The following CACNA2D3 variants were observed in gnomAD, a reference collection of about 807,000 sequenced individuals.
The protein encoded by CACNA2D3 is voltage-dependent calcium channel subunit alpha-2/delta-3.
CACNA2D3 carries 60 observed loss-of-function variants against 160.6 expected under a neutral mutation model. The observed-to-expected ratio is 0.37, with a 90% CI of 0.30 to 0.46. The LOEUF (loss-of-function observed/expected upper bound fraction) is 0.46, where lower values mean the gene tolerates loss of function less well. Among genes scored for constraint, CACNA2D3 ranks in the 20% least tolerant of loss-of-function variants. The pLI is 1.00. For synonymous variants in CACNA2D3, 558 were observed against 492.9 expected, an observed-to-expected ratio of 1.13 and a Z score of -1.75; for missense variants, 1,205 against 1,365.0, an observed-to-expected ratio of 0.88 and a Z score of 1.85.
intron 35 of CACNA2D3, among the ~76,000 whole-genome samples, chr3:55,056,190 G>C (rs1284104940): frequency 1.3e-5 from 2 of 152,104 alleles, no homozygotes; most frequent in Admixed American, 6.5e-5. Flanking sequence ...ATGGCCAATA[G>C]ATCTATGAAA....
At chr3:54,200,869 T>G (rs902106562) in intron 2 of CACNA2D3, among the ~76,000 whole-genome samples, 6 of 152,242 alleles carry the variant, frequency 3.9e-5, no homozygotes, top group African/African-American at 9.6e-5. Context: ...TAGGAACTTT[T>G]TTGTTGTTGT....
chr3:54,957,658 T>C (rs978882061), intron 27 of CACNA2D3, among the ~76,000 whole-genome samples: 5 of 151,698 alleles, frequency 3.3e-5, no homozygotes, highest in Non-Finnish European at 7.4e-5. Context: ...ATACGACTGA[T>C]GGGCCTTTGG....
At position 54,480,648 on chromosome 3, in the gene CACNA2D3, G is replaced by A. The variant is rs140017824; in HGVS notation, c.382-22844G>A. ...TTCTGTAATATAATGATAGTGGCTG[G>A]CCAACTTGGGCTGCCTTCCTCCTTC... On this transcript the variant is annotated intron_variant, in intron 4 of 37. Coordinates refer to ENST00000474759, the MANE Select transcript of CACNA2D3 (RefSeq NM_018398.3). Among the ~76,000 whole-genome samples, 502 of 152,140 alleles carry A rather than the reference G, an allele frequency of 3.3e-3. 4 individuals are homozygous for A. The highest frequency in any genetic ancestry group is 4.1e-3 in the East Asian group (21 of 5,176).
At chr3:54,719,659 A>C (rs1029474854) in intron 11 of CACNA2D3, among the ~76,000 whole-genome samples, 4 of 152,050 alleles carry the variant, frequency 2.6e-5, no homozygotes, top group Non-Finnish European at 4.4e-5. Flanking sequence ...TGCTGGCCTC[A>C]AAATGAGTTG....
chr3:54,617,689 T>C (rs1698884468), intron 9 of CACNA2D3, among the ~76,000 whole-genome samples: 1 of 152,250 alleles, frequency 6.6e-6, no homozygotes, highest in African/African-American at 2.4e-5. Flanking sequence ...TTGGGCATCC[T>C]ATATTTATCT....
intron 4 of CACNA2D3, among the ~76,000 whole-genome samples, chr3:54,455,034 G>A (rs1192793502): frequency 2.0e-5 from 3 of 152,062 alleles, no homozygotes; most frequent in South Asian, 2.1e-4. Flanking sequence ...TGGCTATTGC[G>A]AATAGTGCTG....
chr3:54,894,542 C>T, intron 25 of CACNA2D3: 1 of 484,768 alleles, frequency 2.1e-6, no homozygotes, highest in Non-Finnish European at 4.1e-6. Context: ...GGAAAAAGGT[C>T]CCCTGTGGGC....
intron 5 of CACNA2D3, among the ~76,000 whole-genome samples, chr3:54,539,521 T>C (rs1322744107): frequency 6.6e-6 from 1 of 152,214 alleles, no homozygotes; most frequent in Non-Finnish European, 1.5e-5. Flanking sequence ...GTGTACCCTA[T>C]TTCCATGTGA....
At chr3:54,707,479 G>A (rs1700878632) in intron 11 of CACNA2D3, among the ~76,000 whole-genome samples, 2 of 152,176 alleles carry the variant, frequency 1.3e-5, no homozygotes, top group African/African-American at 4.8e-5. Context: ...TACACGAAAG[G>A]GATTCACAGG....
At chr3:54,316,354 C>T (rs1038859627) in intron 2 of CACNA2D3, among the ~76,000 whole-genome samples, 1 of 152,058 alleles carries the variant, frequency 6.6e-6, no homozygotes, top group Non-Finnish European at 1.5e-5. Context: ...ATCACTGGGT[C>T]TTTGTTCTTC....
rs376364884 is a variant in CACNA2D3, at chr3:54,441,028, T to C, written c.381+54254T>C. Among the ~76,000 whole-genome samples the C allele has an allele frequency of 2.6e-5, 4 of 152,034 alleles. No individual in the cohort carries two copies. The East Asian group carries it at 5.8e-4, about 22-fold the overall frequency. On this transcript the variant is annotated intron_variant, in intron 4 of 37. Coordinates refer to ENST00000474759, the MANE Select transcript of CACNA2D3 (RefSeq NM_018398.3). ...GTAATGGGATGGCTGGGTCAAATGGTATTTCTAGTTCTAGATCCCTGAGGA... is the reference window on the plus strand; with the variant it reads ...GTAATGGGATGGCTGGGTCAAATGGCATTTCTAGTTCTAGATCCCTGAGGA...
intron 33 of CACNA2D3, among the ~76,000 whole-genome samples, chr3:55,008,422 C>T (rs1703142877): frequency 6.6e-6 from 1 of 152,156 alleles, no homozygotes; most frequent in South Asian, 2.1e-4. Context: ...CACCGTGTCA[C>T]ACAAAAGGGA....
At chr3:54,402,121 A>G (rs954362677) in intron 4 of CACNA2D3, among the ~76,000 whole-genome samples, 13 of 152,220 alleles carry the variant, frequency 8.5e-5, no homozygotes, top group Admixed American at 2.6e-4. Context: ...AGCAAAACCT[A>G]TAGCATATAT....
chr3:54,951,214 G>A (rs1416143163), intron 27 of CACNA2D3, among the ~76,000 whole-genome samples: 1 of 152,168 alleles, frequency 6.6e-6, no homozygotes, highest in East Asian at 1.9e-4. Flanking sequence ...TGCTTGTGCT[G>A]CACTTTGGTG....
chr3:54,707,428 C>A (rs1406648321), intron 11 of CACNA2D3, among the ~76,000 whole-genome samples: 2 of 152,148 alleles, frequency 1.3e-5, no homozygotes, highest in African/African-American at 4.8e-5. Context: ...TGCCATCAAT[C>A]CGATGCCTCA....
chr3:54,920,788 C>T (rs1255174707), intron 27 of CACNA2D3, among the ~76,000 whole-genome samples: 1 of 152,180 alleles, frequency 6.6e-6, no homozygotes, highest in African/African-American at 2.4e-5. Flanking sequence ...GGGGGATGGA[C>T]AGGTTCATCA....
At chr3:54,918,802 C>T (rs777721059) in intron 27 of CACNA2D3, 1 of 1,613,630 alleles carries the variant, frequency 6.2e-7, no homozygotes, top group African/African-American at 1.3e-5. Context: ...AGGAAGAGGG[C>T]AGGGCTGGTA....
At position 54,986,823 on chromosome 3, in the gene CACNA2D3, A is replaced by G. The variant is rs75334804; in HGVS notation, c.2620-860A>G. Among the ~76,000 whole-genome samples the G allele has an allele frequency of 1.1e-3, 150 of 141,616 alleles. 2 individuals carry two copies. The East Asian group carries it at 0.026, about 25-fold the overall frequency. 92.9% of individuals were successfully genotyped at this position (141,616 alleles called of 152,430 possible). On this transcript the variant is annotated intron_variant, in intron 30 of 37. Transcript: ENST00000474759. ...CTGGTCAACACTGGCTCATTTCAGC[A>G]TGTTGGCAGAAGGCCCTTACTGCAG...
chr3:55,055,053 T>C (rs981576588), intron 35 of CACNA2D3, among the ~76,000 whole-genome samples: 4 of 152,072 alleles, frequency 2.6e-5, no homozygotes, highest in African/African-American at 9.7e-5. Flanking sequence ...ATTTTAACTT[T>C]TAGAGTTTAA....
Sources: allele counts gnomAD v4.1 joint callset (sites outside exome capture counted in the v4.1 genomes callset), GRCh38; gene constraint gnomAD v4.1.1; transcripts MANE v1.5; gene names NCBI Gene and HGNC (gene_info 2026-07-23, HGNC 2026-07-21).